PIBF1: variants seen among roughly 807,000 people sequenced by gnomAD.
PIBF1 encodes the protein progesterone immunomodulatory binding factor 1.
Under a neutral mutation model 112.5 loss-of-function variants are expected in PIBF1, and 90 were observed. The ratio of observed to expected loss-of-function variants is 0.80; its 90% CI spans 0.67 to 0.95. PIBF1 has a LOEUF of 0.95. PIBF1 is among the 40% of genes least tolerant of loss of function. The pLI, the probability that PIBF1 is intolerant of heterozygous loss-of-function variation, is 0.00. For synonymous variants in PIBF1, 301 were observed against 288.6 expected, an observed-to-expected ratio of 1.04 and a Z score of -0.44; for missense variants, 915 against 852.3, an observed-to-expected ratio of 1.07 and a Z score of -0.92.
rs1023025515 is a variant in PIBF1 at position 72,885,114 on chromosome 13, C to T, written c.1323-8670C>T. Among the ~76,000 whole-genome samples, 3 of 152,074 alleles carry T rather than the reference C, an allele frequency of 2.0e-5. No individual in the cohort carries two copies. The South Asian group carries it at 6.2e-4, about 31-fold the overall frequency. On this transcript the variant is annotated intron_variant, in intron 10 of 17. Transcript: ENST00000326291. ...TGTCATATCACACTACTTTTGCTCC[C>T]TTTTTTGCATTTCTTTTTTGTAAGT...
chr13:72,907,715 T>TATA (rs772826922), intron 11 of PIBF1, among the ~76,000 whole-genome samples: 28 of 152,160 alleles, frequency 1.8e-4, no homozygotes, highest in Non-Finnish European at 3.8e-4. Flanking sequence ...GGAAACAGTA[T>TATA]ATTATGTTGT....
intron 10 of PIBF1, among the ~76,000 whole-genome samples, chr13:72,855,266 A>G (rs1594059326): frequency 1.3e-5 from 2 of 152,322 alleles, no homozygotes; most frequent in Admixed American, 1.3e-4. Context: ...AGAATGGCTC[A>G]AATTGTCATA....
At chr13:72,931,956 T>TTG (rs1381793826) in intron 14 of PIBF1, among the ~76,000 whole-genome samples, 6 of 133,520 alleles carry the variant, frequency 4.5e-5, no homozygotes, top group African/African-American at 1.4e-4. Flanking sequence ...TTTTTTTTTT[T>TTG]TCTGAGACAG....
At chr13:72,991,141 A>G (rs982936670) in intron 16 of PIBF1, among the ~76,000 whole-genome samples, 39 of 152,300 alleles carry the variant, frequency 2.6e-4, no homozygotes, top group Non-Finnish European at 1.8e-4. Context: ...ACTATGCAAT[A>G]CTGTTAAGCA....
At chr13:72,966,589 C>T (rs889233241) in intron 15 of PIBF1, among the ~76,000 whole-genome samples, 1 of 152,122 alleles carries the variant, frequency 6.6e-6, no homozygotes, top group Non-Finnish European at 1.5e-5. Context: ...ATTTTTTCCT[C>T]CTATGTTACA....
At chr13:72,834,838 T>C (rs2037284660) in intron 8 of PIBF1, among the ~76,000 whole-genome samples, 1 of 152,182 alleles carries the variant, frequency 6.6e-6, no homozygotes, top group Non-Finnish European at 1.5e-5. Context: ...CCGAGTCATT[T>C]CATTTTTATA....
At chr13:72,972,069 C>T (rs1048869167) in intron 15 of PIBF1, among the ~76,000 whole-genome samples, 16 of 151,598 alleles carry the variant, frequency 1.1e-4, no homozygotes, top group Non-Finnish European at 2.4e-4. Flanking sequence ...GAGCCTCACT[C>T]TGTCTCCCAG....
At chr13:72,987,898 C>CT (rs2043358178) in intron 16 of PIBF1, among the ~76,000 whole-genome samples, 1 of 112,612 alleles carries the variant, frequency 8.9e-6, no homozygotes, top group Non-Finnish European at 1.6e-5. Context: ...GAGTCTCGCT[C>CT]TGTCGCCAGA....
intron 10 of PIBF1, among the ~76,000 whole-genome samples, chr13:72,858,125 C>T (rs555165082): frequency 3.3e-5 from 5 of 151,886 alleles, no homozygotes; most frequent in African/African-American, 9.7e-5. Flanking sequence ...AATCTCTGCT[C>T]GCTGCAGCCT....
At chr13:72,842,096 T>G (rs2037637193) in intron 9 of PIBF1, among the ~76,000 whole-genome samples, 1 of 152,160 alleles carries the variant, frequency 6.6e-6, no homozygotes, top group Non-Finnish European at 1.5e-5. Context: ...ACGTAGAGGG[T>G]CTACATGCCA....
intron 5 of PIBF1, among the ~76,000 whole-genome samples, chr13:72,799,396 A>C (rs962559964): frequency 6.6e-6 from 1 of 152,228 alleles, no homozygotes; most frequent in Admixed American, 6.5e-5. Flanking sequence ...CCAATATTTC[A>C]GACAAAATAA....
chr13:72,854,070 G>A lies in PIBF1; in HGVS notation c.1237G>A (p.Ala413Thr). 1.9e-6 allele frequency: 3 copies of A among 1,610,748 alleles called. No homozygotes were observed. Among genetic ancestry groups the A allele is most frequent in the Non-Finnish European group, 1.7e-6 (2 of 1,177,204 alleles). Residue 413 changes from alanine (A) to threonine (T), a missense_variant, in exon 10 of 18, where the codon GCA becomes ACA. Ala to Thr is a moderately conservative substitution (Grantham distance 58). Transcript: ENST00000326291. ...TTTAAAATTTAGAAATCTCCGAGAA[G>A]CAAGGGATAATGCTGTGGCTGAAAA... Reference protein sequence around the residue: ...YERENRNLREARDNAVAEKER... With the variant: ...YERENRNLRETRDNAVAEKER...
intron 15 of PIBF1, among the ~76,000 whole-genome samples, chr13:72,967,982 GAGA>G (rs1216342782): frequency 6.6e-6 from 1 of 151,938 alleles, no homozygotes; most frequent in Non-Finnish European, 1.5e-5. Flanking sequence ...TCAGGAGATC[GAGA>G]CCATCCTGGC....
intron 11 of PIBF1, among the ~76,000 whole-genome samples, chr13:72,907,697 G>A (rs1594170563): frequency 6.6e-6 from 1 of 152,116 alleles, no homozygotes; most frequent in Middle Eastern, 3.4e-3. Flanking sequence ...GTAGTCTGTT[G>A]CCTCTCAGGA....
intron 9 of PIBF1, among the ~76,000 whole-genome samples, chr13:72,841,625 T>A (rs2037613869): frequency 6.6e-6 from 1 of 151,826 alleles, no homozygotes; most frequent in Non-Finnish European, 1.5e-5. Flanking sequence ...ACAAAAAAAA[T>A]TAGCCAGGCG....
At chr13:72,838,896 A>G (rs147468907) in intron 9 of PIBF1, among the ~76,000 whole-genome samples, 2 of 152,336 alleles carry the variant, frequency 1.3e-5, no homozygotes, top group Non-Finnish European at 2.9e-5. Flanking sequence ...AAGTAGGACA[A>G]AAAGGACAAA....
intron 13 of PIBF1, among the ~76,000 whole-genome samples, chr13:72,927,426 C>T (rs2041522992): frequency 6.6e-6 from 1 of 152,060 alleles, no homozygotes; most frequent in Non-Finnish European, 1.5e-5. Flanking sequence ...ATGGCGCGAA[C>T]CCGGGAGGCG....
intron 10 of PIBF1, among the ~76,000 whole-genome samples, chr13:72,875,357 A>G (rs938739945): frequency 6.6e-6 from 1 of 152,216 alleles, no homozygotes; most frequent in Non-Finnish European, 1.5e-5. Flanking sequence ...TAAATCTGCT[A>G]TAAACATCCT....
intron 16 of PIBF1, among the ~76,000 whole-genome samples, chr13:72,976,350 C>T (rs988599983): frequency 2.7e-5 from 4 of 150,840 alleles, no homozygotes; most frequent in Middle Eastern, 3.2e-3. Context: ...AGAAAGGAAG[C>T]GAAGGAGGGG....
Sources: allele counts gnomAD v4.1 joint callset (sites outside exome capture counted in the v4.1 genomes callset), GRCh38; gene constraint gnomAD v4.1.1; transcripts MANE v1.5; gene names NCBI Gene and HGNC (gene_info 2026-07-23, HGNC 2026-07-21).